The following PHF24 variants were observed in gnomAD, a reference collection of about 807,000 sequenced individuals.
PHF24 encodes the protein Galpha inhibitory interacting protein.
In PHF24, 25 loss-of-function variants were observed where a neutral mutation model predicts 42.6. The observed-to-expected ratio is 0.59, with a 90% confidence interval of 0.43 to 0.82. The LOEUF (loss-of-function observed/expected upper bound fraction) is 0.82. Among genes scored for constraint, PHF24 ranks in the 40% least tolerant of loss-of-function variants. The pLI is 0.00. For synonymous variants in PHF24, 185 were observed against 204.8 expected (o/e 0.90, Z 0.83); for missense variants, 470 against 538.1 (o/e 0.87, Z 1.25).
the PHF24 span, among the ~76,000 whole-genome samples, chr9:34,822,632 T>C: frequency 6.6e-6 from 1 of 152,132 alleles, no homozygotes; most frequent in Non-Finnish European, 1.5e-5. Flanking sequence ...CAGAATAATA[T>C]ATTGCAATGG....
At chr9:34,787,784 C>T in the PHF24 span, among the ~76,000 whole-genome samples, 1 of 152,266 alleles carries the variant, frequency 6.6e-6, no homozygotes, top group South Asian at 2.1e-4. Flanking sequence ...TCCATTTACT[C>T]CTCAACCCAC....
At chr9:34,741,652 G>A in the PHF24 span, among the ~76,000 whole-genome samples, 1 of 152,190 alleles carries the variant, frequency 6.6e-6, no homozygotes, top group South Asian at 2.1e-4. Context: ...ATGAGCCACC[G>A]CACCTGGCCT....
chr9:34,666,802 C>T, the PHF24 span, among the ~76,000 whole-genome samples: 1 of 152,006 alleles, frequency 6.6e-6, no homozygotes, highest in Non-Finnish European at 1.5e-5. Context: ...AAAAGTTAGC[C>T]GGGCGTGGTG....
chr9:34,925,905 T>C, the PHF24 span, among the ~76,000 whole-genome samples: 1 of 152,220 alleles, frequency 6.6e-6, no homozygotes, highest in African/African-American at 2.4e-5. Flanking sequence ...GGTGGAAAAA[T>C]CACCTCTTCC....
the PHF24 span, among the ~76,000 whole-genome samples, chr9:34,936,852 G>A: frequency 0.071 from 10,802 of 151,502 alleles, 539 homozygotes; most frequent in South Asian, 0.11. Flanking sequence ...CGTCTGATAA[G>A]TGAGGAGCCC....
the PHF24 span, among the ~76,000 whole-genome samples, chr9:34,767,146 T>C: frequency 6.6e-5 from 10 of 152,038 alleles, no homozygotes; most frequent in Non-Finnish European, 1.3e-4. Context: ...TGCTCGGGGG[T>C]CAGGGGTCAG....
At chr9:34,696,534 A>G in the PHF24 span, among the ~76,000 whole-genome samples, 2 of 151,616 alleles carry the variant, frequency 1.3e-5, no homozygotes, top group South Asian at 4.2e-4. Context: ...TCTAACTCAA[A>G]TGGAAGTCTT....
At chr9:34,905,856 T>C in the PHF24 span, among the ~76,000 whole-genome samples, 1 of 152,262 alleles carries the variant, frequency 6.6e-6, no homozygotes, top group Non-Finnish European at 1.5e-5. Context: ...TTTTATTTTG[T>C]CTTCGTGTGG....
chr9:34,714,708 G>A, the PHF24 span, among the ~76,000 whole-genome samples: 2 of 152,144 alleles, frequency 1.3e-5, no homozygotes, highest in African/African-American at 4.8e-5. Flanking sequence ...AAGCTGGAGT[G>A]ATGCCCCCTC....
At chr9:34,978,082 G>T in exon 8 of PHF24, 1 of 1,614,072 alleles carries the variant, frequency 6.2e-7, no homozygotes, top group Non-Finnish European at 8.5e-7. Context: ...CCCCAACAGC[G>T]CAGCCATTCA....
At chr9:34,966,619 C>A (rs1826780896) in intron 1 of PHF24, among the ~76,000 whole-genome samples, 1 of 151,572 alleles carries the variant, frequency 6.6e-6, no homozygotes, top group Non-Finnish European at 1.5e-5. Flanking sequence ...ATAATTAAAT[C>A]ATTTTTTCTC....
the PHF24 span, chr9:34,836,940 AC>A: frequency 5.9e-6 from 2 of 337,200 alleles, no homozygotes; most frequent in Non-Finnish European, 1.2e-5. Context: ...CAACTAGTGA[AC>A]CAGCCTCCAC....
At chr9:34,691,075 C>G in the PHF24 span, 3 of 1,597,920 alleles carry the variant, frequency 1.9e-6, no homozygotes, top group Non-Finnish European at 2.6e-6. Context: ...GACCCTGACT[C>G]TCCCTTCAGC....
At chr9:34,856,998 G>C in the PHF24 span, among the ~76,000 whole-genome samples, 1 of 152,234 alleles carries the variant, frequency 6.6e-6, no homozygotes, top group Admixed American at 6.5e-5. Context: ...CCAGTGAGAA[G>C]GGATGGATCA....
chr9:34,688,362 C>A, the PHF24 span, among the ~76,000 whole-genome samples: 2 of 152,196 alleles, frequency 1.3e-5, no homozygotes, highest in Non-Finnish European at 2.9e-5. Flanking sequence ...GGAGACTTCT[C>A]AAGTACGAGG....
At chr9:34,719,603 A>C in the PHF24 span, among the ~76,000 whole-genome samples, 2 of 152,224 alleles carry the variant, frequency 1.3e-5, no homozygotes, top group Non-Finnish European at 2.9e-5. Flanking sequence ...TTTAGTTAGC[A>C]GCATGAGCCC....
the PHF24 span, among the ~76,000 whole-genome samples, chr9:34,761,374 G>C: frequency 3.3e-5 from 5 of 151,912 alleles, no homozygotes; most frequent in Admixed American, 6.6e-5. Flanking sequence ...GAGCCCTTCT[G>C]TATGCCAGAC....
the PHF24 span, among the ~76,000 whole-genome samples, chr9:34,768,449 T>C: frequency 6.6e-6 from 1 of 152,200 alleles, no homozygotes; most frequent in African/African-American, 2.4e-5. Flanking sequence ...GATTTGAATC[T>C]TACTTTTACC....
chr9:34,971,445 G>A, exon 2 of PHF24: 1 of 1,614,164 alleles, frequency 6.2e-7, no homozygotes, highest in Non-Finnish European at 8.5e-7. Context: ...GCACTGTAGA[G>A]GGCTCCGTCC....
Sources: gnomAD v4.1 joint callset for allele counts (sites outside exome capture counted in the v4.1 genomes callset) on GRCh38, gnomAD v4.1.1 for gene constraint, MANE v1.5 for transcripts, NCBI Gene and HGNC (gene_info 2026-07-23, HGNC 2026-07-21) for gene names.